SLC35D1: variants seen among roughly 807,000 people sequenced by gnomAD.
The protein encoded by SLC35D1 is nucleotide sugar transporter SLC35D1.
A neutral mutation model predicts 46.7 loss-of-function variants in SLC35D1; 31 were observed. That is an observed-to-expected ratio of 0.66 (90% CI 0.50 to 0.90). SLC35D1 has a LOEUF of 0.90. Among genes scored for constraint, SLC35D1 ranks in the 40% least tolerant of loss-of-function variants. SLC35D1 has a pLI of 0.00. For missense variants in SLC35D1, 397 were observed against 426.2 expected (o/e 0.93, Z 0.60); for synonymous variants, 195 against 164.6 (o/e 1.18, Z -1.41).
intron 8 of SLC35D1, among the ~76,000 whole-genome samples, chr1:67,024,128 T>A (rs1667869373): frequency 6.6e-6 from 1 of 151,646 alleles, no homozygotes; most frequent in Admixed American, 6.6e-5. Context: ...TATTTTTTAG[T>A]AGAGATGGGG....
At chr1:67,024,853 T>C (rs929522772) in intron 8 of SLC35D1, among the ~76,000 whole-genome samples, 4 of 152,056 alleles carry the variant, frequency 2.6e-5, no homozygotes, top group African/African-American at 9.7e-5. Flanking sequence ...AAATAATCCT[T>C]CCACCTCAGC....
At position 67,031,548 on chromosome 1, in the gene SLC35D1, G is replaced by A. The variant is rs544622214; in HGVS notation, c.730-9946C>T. The stretch of plus-strand genomic sequence containing the variant: ...CTATAGTCTTTCCATCTGTACTGCC[G>A]CAAAAAAAAACAAAGGCAAGGCAAC... On this transcript the variant is annotated intron_variant, in intron 8 of 11. Transcript: ENST00000235345. Among the ~76,000 whole-genome samples the A allele has an allele frequency of 6.6e-5, 10 of 151,076 alleles. No homozygotes were observed. In the East Asian group the frequency reaches 7.8e-4, roughly 12 times the overall value.
At chr1:67,052,556 G>A (rs938466169) in intron 3 of SLC35D1, among the ~76,000 whole-genome samples, 1 of 152,134 alleles carries the variant, frequency 6.6e-6, no homozygotes, top group African/African-American at 2.4e-5. Flanking sequence ...ATTAAAAACA[G>A]AAGAATATTC....
intron 8 of SLC35D1, among the ~76,000 whole-genome samples, chr1:67,040,413 A>T (rs979135042): frequency 3.3e-5 from 5 of 152,108 alleles, no homozygotes; most frequent in Admixed American, 1.3e-4. Context: ...TGGTAATAAC[A>T]CCTGCTTAGA....
intron 8 of SLC35D1, 116 bp from the exon 9 acceptor site, chr1:67,021,718 GACACAGACACACACACAC>G (rs1334448219): frequency 2.2e-6 from 1 of 447,084 alleles, no homozygotes; most frequent in South Asian, 2.0e-5. Flanking sequence ...CACAGACACA[GACACAGACACACACACAC>G]ACACACACAC....
At chr1:66,978,562 A>G in the SLC35D1 span, among the ~76,000 whole-genome samples, 1 of 152,240 alleles carries the variant, frequency 6.6e-6, no homozygotes, top group Non-Finnish European at 1.5e-5. Context: ...ATAGAATTAG[A>G]TACAGCATCT....
chr1:67,030,570 T>C lies in SLC35D1; in HGVS notation c.730-8968A>G, dbSNP rs573092204. On this transcript the variant is annotated intron_variant, in intron 8 of 11. Transcript: ENST00000235345. ...TCAATAAATGATGTCAGCTACTATATATAATCATTACTTTTAATTTTTTTT... is the reference window on the plus strand; with the variant it reads ...TCAATAAATGATGTCAGCTACTATACATAATCATTACTTTTAATTTTTTTT... Among the ~76,000 whole-genome samples the C allele has an allele frequency of 2.6e-5, 4 of 152,074 alleles. No individual in the cohort carries two copies. In the East Asian group the frequency reaches 7.7e-4, roughly 29 times the overall value.
At chr1:66,986,591 C>A in the SLC35D1 span, 2 of 812,386 alleles carry the variant, frequency 2.5e-6, no homozygotes, top group South Asian at 3.4e-5. Flanking sequence ...AACATATGTT[C>A]GGACTGCTTC....
the SLC35D1 span, among the ~76,000 whole-genome samples, chr1:66,978,183 G>A: frequency 4.2e-5 from 6 of 143,096 alleles, no homozygotes; most frequent in African/African-American, 7.8e-5. Flanking sequence ...GCAACAGAGC[G>A]AAACTCCATC....
At chr1:67,020,175 G>A (rs1361197555) in intron 10 of SLC35D1, among the ~76,000 whole-genome samples, 194 bp downstream of exon 10, 2 of 152,140 alleles carry the variant, frequency 1.3e-5, no homozygotes, top group Non-Finnish European at 1.5e-5. Flanking sequence ...GAGCTAAGCT[G>A]CCTCCAAGTA....
Position 67,035,805 on chromosome 1 carries a change from C to CTTT in SLC35D1, c.729+6428_729+6430dup, listed in dbSNP as rs71058492. 7.5e-5 allele frequency among the ~76,000 whole-genome samples: 10 copies of CTTT among 133,366 alleles called. No homozygotes were observed. The South Asian group carries it at 1.2e-3, about 16-fold the overall frequency. 87.5% of individuals were successfully genotyped at this position (133,366 alleles called of 152,430 possible). Reference sequence around the variant, plus strand: ...ATTAGGTTGTTTATTTGAAGTTTTTCTTTTTTTTTTTTTTTTGATGTAGGC... The same window carrying CTTT: ...ATTAGGTTGTTTATTTGAAGTTTTTCTTTTTTTTTTTTTTTTTTTGATGTAGGC... On this transcript the variant is annotated intron_variant, in intron 8 of 11. Transcript: ENST00000235345.
At chr1:67,037,154 G>A (rs1024217041) in intron 8 of SLC35D1, among the ~76,000 whole-genome samples, 3 of 152,000 alleles carry the variant, frequency 2.0e-5, no homozygotes, top group Admixed American at 2.0e-4. Flanking sequence ...TCAATGTGTT[G>A]AAAAGTTGTT....
intron 8 of SLC35D1, among the ~76,000 whole-genome samples, chr1:67,029,430 A>G (rs1570626666): frequency 6.6e-6 from 1 of 152,296 alleles, no homozygotes; most frequent in East Asian, 1.9e-4. Context: ...TGTAAACACA[A>G]CCTCCTCTCT....
At chr1:66,976,597 C>A in the SLC35D1 span, 1 of 1,576,312 alleles carries the variant, frequency 6.3e-7, no homozygotes, top group Admixed American at 1.9e-5. Context: ...TCTTACAGGT[C>A]CGAACAAGGT....
At chr1:66,984,815 G>A in the SLC35D1 span, 18 of 1,613,604 alleles carry the variant, frequency 1.1e-5, no homozygotes, top group Non-Finnish European at 1.4e-5. Context: ...AACAGCAATG[G>A]AAAAGAAAGT....
At chr1:67,026,268 G>A (rs147281684) in intron 8 of SLC35D1, among the ~76,000 whole-genome samples, 11 of 152,226 alleles carry the variant, frequency 7.2e-5, no homozygotes, top group Admixed American at 7.2e-4. Context: ...ATCTATTTAG[G>A]ATAGTTCTAC....
chr1:67,051,022 A>G (rs1461717975), intron 4 of SLC35D1, among the ~76,000 whole-genome samples: 1 of 152,214 alleles, frequency 6.6e-6, no homozygotes, highest in Non-Finnish European at 1.5e-5. Context: ...AGTGCCTTAT[A>G]CTTAGCTGGC....
At chr1:66,974,630 A>G in the SLC35D1 span, among the ~76,000 whole-genome samples, 297 of 152,296 alleles carry the variant, frequency 2.0e-3, 1 homozygote, top group Non-Finnish European at 3.3e-3. Flanking sequence ...GCCAAGTAAC[A>G]TAAGTATTAA....
intron 10 of SLC35D1, among the ~76,000 whole-genome samples, chr1:67,011,575 T>C (rs1386343917): frequency 6.6e-6 from 1 of 152,124 alleles, no homozygotes; most frequent in Non-Finnish European, 1.5e-5. Context: ...CCCTGCCTCC[T>C]AGGCTCAAGC....
Sources: allele counts gnomAD v4.1 joint callset (sites outside exome capture counted in the v4.1 genomes callset), GRCh38; gene constraint gnomAD v4.1.1; transcripts MANE v1.5; gene names NCBI Gene and HGNC (gene_info 2026-07-23, HGNC 2026-07-21).